Variants in TSC22D2 observed in about 807,000 individuals in gnomAD.
TSC22D2 encodes the protein TSC22 domain family protein 2.
In TSC22D2, 5 loss-of-function variants were observed where a neutral mutation model predicts 50.1. The ratio of observed to expected loss-of-function variants is 0.10; its 90% CI spans 0.05 to 0.21. The LOEUF (loss-of-function observed/expected upper bound fraction) is 0.21. TSC22D2 is among the 10% of genes least tolerant of loss of function. The pLI, the probability that TSC22D2 is intolerant of heterozygous loss-of-function variation, is 1.00. For synonymous variants in TSC22D2, 501 were observed against 450.1 expected (o/e 1.11, Z -1.43); for missense variants, 1,003 against 1,015.5 (o/e 0.99, Z 0.17).
At position 150,411,202 on chromosome 3, in the gene TSC22D2, C is replaced by T. The variant is rs766241931; in HGVS notation, c.1852C>T (p.Pro618Ser). 6.2e-6 allele frequency: 10 copies of T among 1,614,088 alleles called. No homozygotes were observed. The highest frequency in any genetic ancestry group is 1.7e-5 in the Admixed American group (1 of 60,010). The change falls in exon 1 of 3, where the codon CCG becomes TCG. Residue 618 changes from proline (P) to serine (S), a missense_variant. Pro to Ser is a moderately conservative substitution (Grantham distance 74, BLOSUM62 -1). Transcript: ENST00000688009. ...TGCTGAAAATAAGCCTGTTGTGAAGCCGCCTGTTGCAGATTCCCTGGCAAA... is the reference window on the plus strand; with the variant it reads ...TGCTGAAAATAAGCCTGTTGTGAAGTCGCCTGTTGCAGATTCCCTGGCAAA... Reference protein sequence around the residue: ...LIAENKPVVKPPVADSLANPL... With the variant: ...LIAENKPVVKSPVADSLANPL...
chr3:150,417,372 G>C (rs943222521), intron 1 of TSC22D2, among the ~76,000 whole-genome samples: 1 of 152,066 alleles, frequency 6.6e-6, no homozygotes, highest in Admixed American at 6.6e-5. Flanking sequence ...GGTTTTATAT[G>C]TTAAAGCAAA....
chr3:150,451,228 TTTTA>T (rs1479190287), intron 1 of TSC22D2, among the ~76,000 whole-genome samples: 2 of 152,194 alleles, frequency 1.3e-5, no homozygotes, highest in Admixed American at 6.5e-5. Context: ...AAGGCATTTA[TTTTA>T]TTTATTTATT....
rs1429843203 is a variant in TSC22D2 at position 150,459,953 on chromosome 3, TAAGTG to T, written c.*1318_*1322del. On this transcript the variant is annotated 3_prime_UTR_variant, in exon 3 of 3. Coordinates refer to ENST00000688009, the MANE Select transcript of TSC22D2 (RefSeq NM_001303264.2). ...TATTTAATAAATGCAACATGCAGAT[TAAGTG>T]CAGTGTATACTGAGTATTTAAATTA... 6.6e-6 allele frequency: 1 copy of T among 152,138 alleles called. No homozygotes were observed. The highest frequency in any genetic ancestry group is 1.5e-5 in the Non-Finnish European group (1 of 67,994). The allele number at this position is 152,138 out of a possible 1,614,324, so 9.4% of individuals were successfully genotyped here.
At position 150,462,464 on chromosome 3, in the gene TSC22D2, AT is replaced by A. The variant is rs1721443009; in HGVS notation, c.*3831del. On this transcript the variant is annotated 3_prime_UTR_variant, in exon 3 of 3. Transcript: ENST00000688009. ...AGCTGAAACTGGAAGCTGAGAAATA[AT>A]TTAGGAGGGATGACAATCCGGAAAA... 1 of 152,086 alleles carries A rather than the reference AT, an allele frequency of 6.6e-6. No individual in the cohort carries two copies. Among genetic ancestry groups the A allele is most frequent in the Non-Finnish European group, 1.5e-5 (1 of 68,024 alleles). 9.4% of individuals were successfully genotyped at this position (152,086 alleles called of 1,614,324 possible).
intron 1 of TSC22D2, among the ~76,000 whole-genome samples, chr3:150,415,120 T>A (rs906451102): frequency 2.0e-5 from 3 of 152,114 alleles, no homozygotes; most frequent in Non-Finnish European, 2.9e-5. Flanking sequence ...TACTAAAACA[T>A]ACTTTATTCA....
intron 1 of TSC22D2, among the ~76,000 whole-genome samples, chr3:150,443,274 T>C (rs769392098): frequency 1.3e-5 from 2 of 152,190 alleles, no homozygotes; most frequent in African/African-American, 2.4e-5. Context: ...ATGATTGCCA[T>C]CACTTGAAGC....
Position 150,408,621 on chromosome 3 carries a change from A to T in TSC22D2, c.-730A>T, listed in dbSNP as rs1228156261. The T allele has an allele frequency of 6.6e-6, 1 of 152,150 alleles. No individual in the cohort carries two copies. The highest frequency in any genetic ancestry group is 1.5e-5 in the Non-Finnish European group (1 of 68,218). The allele number at this position is 152,150 out of a possible 1,614,324, so 9.4% of individuals were successfully genotyped here. A position where few individuals can be genotyped will look rare whatever the true frequency, so the allele number is the denominator to read the frequency against. ...GGTTCCCCCTGTAAGGGGAGGACCGAGCCGGCTTTCCCCTCCCCCAGAGCG... is the reference window on the plus strand; with the variant it reads ...GGTTCCCCCTGTAAGGGGAGGACCGTGCCGGCTTTCCCCTCCCCCAGAGCG... On this transcript the variant is annotated 5_prime_UTR_variant, in exon 1 of 3. Coordinates refer to ENST00000688009, the MANE Select transcript of TSC22D2 (RefSeq NM_001303264.2).
chr3:150,415,829 AT>A (rs1719775717), intron 1 of TSC22D2, among the ~76,000 whole-genome samples: 1 of 152,204 alleles, frequency 6.6e-6, no homozygotes, highest in Non-Finnish European at 1.5e-5. Flanking sequence ...AAGAAAAAAA[AT>A]AATTCTGATA....
chr3:150,429,035 T>C (rs1720290672), intron 1 of TSC22D2, among the ~76,000 whole-genome samples: 3 of 152,200 alleles, frequency 2.0e-5, no homozygotes, highest in Admixed American at 2.0e-4. Flanking sequence ...TGAACTCCTT[T>C]ACTTCTGTTT....
rs1185318981 is a variant in TSC22D2, at chr3:150,458,666, C to G, written c.*30C>G. 1 of 1,608,854 alleles carries G rather than the reference C, an allele frequency of 6.2e-7. No individual in the cohort carries two copies. Among genetic ancestry groups the G allele is most frequent in the East Asian group, 2.2e-5 (1 of 44,804 alleles). On this transcript the variant is annotated 3_prime_UTR_variant, in exon 3 of 3. Coordinates refer to ENST00000688009, the MANE Select transcript of TSC22D2 (RefSeq NM_001303264.2). ...TTCTTAAGCCTCATTAAGAAAAAAA[C>G]TGAAAGCAATCTATCCTTGTGTGCC... is the stretch of plus-strand genomic sequence containing the variant.
At position 150,460,982 on chromosome 3, in the gene TSC22D2, A is replaced by G. The variant is rs1721382062; in HGVS notation, c.*2346A>G. The G allele has an allele frequency of 1.3e-5, 2 of 152,210 alleles. No homozygotes were observed. Among genetic ancestry groups the G allele is most frequent in the Non-Finnish European group, 2.9e-5 (2 of 68,028 alleles). The allele number at this position is 152,210 out of a possible 1,614,324, so 9.4% of individuals were successfully genotyped here. On this transcript the variant is annotated 3_prime_UTR_variant, in exon 3 of 3. Transcript: ENST00000688009. ...GTAGTTCACAGAAGAGATAAATGGC[A>G]GTTTCTAAAGGTTCAACCTCTAGTA... is the stretch of plus-strand genomic sequence containing the variant.
intron 1 of TSC22D2, among the ~76,000 whole-genome samples, chr3:150,432,820 A>G (rs565378882): frequency 1.7e-4 from 26 of 152,274 alleles, no homozygotes; most frequent in Admixed American, 1.1e-3. Flanking sequence ...GAATTATTTT[A>G]GTTTTTTATT....
chr3:150,466,052 A>T lies in TSC22D2; in HGVS notation c.*7416A>T, dbSNP rs1172230510. On this transcript the variant is annotated 3_prime_UTR_variant, in exon 3 of 3. Coordinates refer to ENST00000688009, the MANE Select transcript of TSC22D2 (RefSeq NM_001303264.2). ...GGATGGACTATGGTACACATGATGA[A>T]GTATTAAGTATCAATGAAAAAGAGA... 6.6e-6 allele frequency: 1 copy of T among 152,206 alleles called. No individual in the cohort carries two copies. The highest frequency in any genetic ancestry group is 1.5e-5 in the Non-Finnish European group (1 of 68,046). 9.4% of individuals were successfully genotyped at this position (152,206 alleles called of 1,614,324 possible). A position where few individuals can be genotyped will look rare whatever the true frequency, so the allele number is the denominator to read the frequency against.
chr3:150,418,011 A>T (rs1440705638), intron 1 of TSC22D2, among the ~76,000 whole-genome samples: 1 of 152,042 alleles, frequency 6.6e-6, no homozygotes, highest in Non-Finnish European at 1.5e-5. Context: ...CCTTATGTAT[A>T]TGAGACCATA....
Position 150,410,841 on chromosome 3 carries a change from T to G in TSC22D2, c.1491T>G (p.Gly497=). The G allele has an allele frequency of 1.2e-6, 2 of 1,613,736 alleles. No individual in the cohort carries two copies. The highest frequency in any genetic ancestry group is 1.7e-6 in the Non-Finnish European group (2 of 1,180,002). ...GGSGPLSAVP[G]GPHAVVPGVP... is the part of the protein sequence containing the mutation. ...GTGGTCCGCTGTCAGCCGTACCTGG[T>G]GGCCCTCACGCCGTGGTGCCCGGAG... Residue 497 remains glycine (G), a synonymous_variant, in exon 1 of 3, where the codon GGT becomes GGG. Coordinates refer to ENST00000688009, the MANE Select transcript of TSC22D2 (RefSeq NM_001303264.2).
chr3:150,457,956 A>T (rs547902514), intron 2 of TSC22D2, among the ~76,000 whole-genome samples: 105 of 152,270 alleles, frequency 6.9e-4, no homozygotes, highest in South Asian at 6.0e-3. Context: ...CTATTTTTTT[A>T]AAAATACCAA....
At chr3:150,428,588 G>A (rs1720271915) in intron 1 of TSC22D2, among the ~76,000 whole-genome samples, 3 of 105,226 alleles carry the variant, frequency 2.9e-5, no homozygotes, top group Admixed American at 9.1e-5. Context: ...GGTTGACTGG[G>A]TATAGTAAAA....
intron 1 of TSC22D2, among the ~76,000 whole-genome samples, chr3:150,414,982 G>A (rs1297075506): frequency 2.0e-5 from 3 of 150,064 alleles, no homozygotes; most frequent in African/African-American, 4.9e-5. Flanking sequence ...CTATCTACAC[G>A]TTTAAGAGTG....
At chr3:150,415,218 A>G (rs935001395) in intron 1 of TSC22D2, among the ~76,000 whole-genome samples, 6 of 152,154 alleles carry the variant, frequency 3.9e-5, no homozygotes, top group South Asian at 2.1e-4. Context: ...ACCATGAGCT[A>G]TATCTGTAGG....
Sources: gnomAD v4.1 joint callset for allele counts (sites outside exome capture counted in the v4.1 genomes callset) on GRCh38, gnomAD v4.1.1 for gene constraint, MANE v1.5 for transcripts, NCBI Gene and HGNC (gene_info 2026-07-23, HGNC 2026-07-21) for gene names.